Variants in TTLL5 observed in about 807,000 individuals in gnomAD.
The protein encoded by TTLL5 is tubulin tyrosine ligase like 5, also known as tubulin polyglutamylase TTLL5.
A neutral mutation model predicts 168.4 loss-of-function variants in TTLL5; 132 were observed. That is an observed-to-expected ratio of 0.78 (90% confidence interval 0.68 to 0.91). The LOEUF (loss-of-function observed/expected upper bound fraction) is 0.91, where lower values mean the gene tolerates loss of function less well. Ranked by LOEUF, TTLL5 falls within the 40% of genes least tolerant of loss-of-function variation. The probability of loss-of-function intolerance (pLI) is 0.00; values close to 1 mark genes in which losing one functional copy is unlikely to be tolerated. For synonymous variants in TTLL5, 546 were observed against 558.6 expected (o/e 0.98, Z 0.32); for missense variants, 1,545 against 1,581.5 (o/e 0.98, Z 0.39).
intron 7 of TTLL5, among the ~76,000 whole-genome samples, chr14:75,699,984 A>G (rs1296544091): frequency 1.3e-5 from 2 of 152,164 alleles, no homozygotes; most frequent in African/African-American, 2.4e-5. Context: ...CATTTACATC[A>G]TGTCCCACCC....
intron 29 of TTLL5, among the ~76,000 whole-genome samples, chr14:75,875,276 G>T (rs558250066): frequency 1.3e-5 from 2 of 149,858 alleles, no homozygotes; most frequent in South Asian, 4.3e-4. Context: ...GGGCGTAGTG[G>T]CTCACGCCTG....
At chr14:75,667,759 T>G (rs1163944696) in intron 2 of TTLL5, among the ~76,000 whole-genome samples, 1 of 142,890 alleles carries the variant, frequency 7.0e-6, no homozygotes, top group African/African-American at 2.6e-5. Flanking sequence ...ATGTTTTTTT[T>G]TTTTTTTTTT....
intron 5 of TTLL5, 106 bp downstream of exon 5, chr14:75,683,762 A>C: frequency 1.1e-6 from 1 of 894,762 alleles, no homozygotes; most frequent in Admixed American, 2.6e-5. Flanking sequence ...GATGAAAATG[A>C]AGAAGAAGAA....
chr14:75,672,393 C>T (rs995860807), intron 3 of TTLL5, among the ~76,000 whole-genome samples: 4 of 151,988 alleles, frequency 2.6e-5, no homozygotes, highest in South Asian at 2.1e-4. Flanking sequence ...TTATAGGCGT[C>T]CACCACCATG....
At chr14:75,671,986 A>G (rs1348027861) in intron 3 of TTLL5, among the ~76,000 whole-genome samples, 1 of 152,210 alleles carries the variant, frequency 6.6e-6, no homozygotes, top group Non-Finnish European at 1.5e-5. Context: ...GTCATTGCGT[A>G]TGATACTAGC....
At chr14:75,821,970 ACCC>A (rs948266957) in intron 28 of TTLL5, among the ~76,000 whole-genome samples, 6 of 151,840 alleles carry the variant, frequency 4.0e-5, no homozygotes, top group Admixed American at 3.9e-4. Flanking sequence ...ATTTTCCTCT[ACCC>A]CCAGGTGACC....
intron 21 of TTLL5, 150 bp downstream of exon 21, chr14:75,772,004 A>T (rs1206348649): frequency 1.1e-6 from 1 of 900,946 alleles, no homozygotes; most frequent in African/African-American, 1.7e-5. Flanking sequence ...TTATAAATCT[A>T]TACTTACAAG....
intron 31 of TTLL5, among the ~76,000 whole-genome samples, chr14:75,905,652 C>T (rs2033114370): frequency 1.3e-5 from 2 of 152,214 alleles, no homozygotes; most frequent in South Asian, 2.1e-4. Context: ...AAGCCAAAGT[C>T]GTTGGCCTTC....
At chr14:75,813,079 A>G (rs977987173) in intron 27 of TTLL5, among the ~76,000 whole-genome samples, 1 of 152,124 alleles carries the variant, frequency 6.6e-6, no homozygotes, top group African/African-American at 2.4e-5. Flanking sequence ...CATAATAATT[A>G]TTTGTTCTTG....
At chr14:75,730,243 C>G (rs1178250434) in intron 12 of TTLL5, among the ~76,000 whole-genome samples, 1 of 152,072 alleles carries the variant, frequency 6.6e-6, no homozygotes, top group Non-Finnish European at 1.5e-5. Context: ...TTATTTAGTG[C>G]TATATCACAG....
chr14:75,688,354 T>G (rs2140132984), intron 5 of TTLL5, among the ~76,000 whole-genome samples: 1 of 152,126 alleles, frequency 6.6e-6, no homozygotes, highest in Middle Eastern at 3.4e-3. Flanking sequence ...ACAGAATACA[T>G]GGAGATTCTT....
At chr14:75,765,917 A>AGTGACAT (rs1332290392) in intron 19 of TTLL5, 145 bp from the exon 20 acceptor site, 2 of 605,266 alleles carry the variant, frequency 3.3e-6, no homozygotes, top group East Asian at 5.6e-5. Flanking sequence ...GAGATTAGAG[A>AGTGACAT]GTGACATGTG....
rs1265598469 is a variant in TTLL5 at position 75,781,870 on chromosome 14, C to T, written c.2516-617C>T. 2.0e-5 allele frequency among the ~76,000 whole-genome samples: 3 copies of T among 148,552 alleles called. No individual in the cohort carries two copies. In the Admixed American group the frequency reaches 2.0e-4, roughly 10 times the overall value. On this transcript the variant is annotated intron_variant, in intron 24 of 31. Coordinates refer to ENST00000298832, the MANE Select transcript of TTLL5 (RefSeq NM_015072.5). ...ACTCAGGAGGCTGAGGCAGGAGAAT[C>T]GCTTGAACTGGGAGGCAGAGGTTGC...
intron 28 of TTLL5, among the ~76,000 whole-genome samples, chr14:75,829,936 G>A (rs1895469257): frequency 6.6e-6 from 1 of 152,188 alleles, no homozygotes; most frequent in Admixed American, 6.5e-5. Flanking sequence ...TAAAAGCCTA[G>A]AAGTTGGTGT....
At chr14:75,843,930 G>A (rs1042463045) in intron 28 of TTLL5, among the ~76,000 whole-genome samples, 3 of 57,472 alleles carry the variant, frequency 5.2e-5, no homozygotes, top group African/African-American at 1.7e-4. Context: ...GCCTCGTTCT[G>A]TCACCCAGGC....
In TTLL5 at chr14:75,953,901, C is replaced by T; in HGVS notation, c.3824-523C>T. 1.3e-5 allele frequency among the ~76,000 whole-genome samples: 2 copies of T among 152,012 alleles called. 1 individual carries two copies. Among genetic ancestry groups the T allele is most frequent in the African/African-American group, 4.8e-5 (2 of 41,384 alleles). On this transcript the variant is annotated intron_variant, in intron 31 of 31. Coordinates refer to ENST00000298832, the MANE Select transcript of TTLL5 (RefSeq NM_015072.5). ...GAAAGAGAACAACACAGAAAAGAAA[C>T]AGCAGTAGAATTGGGAGTATTTTAG...
At chr14:75,943,094 G>A (rs1173623283) in intron 31 of TTLL5, among the ~76,000 whole-genome samples, 2 of 152,148 alleles carry the variant, frequency 1.3e-5, no homozygotes, top group Non-Finnish European at 2.9e-5. Flanking sequence ...CAAAAAAAAG[G>A]CGGTGTCGGG....
intron 6 of TTLL5, among the ~76,000 whole-genome samples, chr14:75,697,131 C>G (rs1426592551): frequency 6.6e-6 from 1 of 152,144 alleles, no homozygotes; most frequent in Non-Finnish European, 1.5e-5. Context: ...CAGCCACACC[C>G]CTTTGCTTAC....
At chr14:75,863,197 G>A (rs1233978440) in intron 28 of TTLL5, among the ~76,000 whole-genome samples, 1 of 152,170 alleles carries the variant, frequency 6.6e-6, no homozygotes, top group East Asian at 1.9e-4. Flanking sequence ...AAAATATTTA[G>A]ATATTTAACT....
Sources: gnomAD v4.1 joint callset for allele counts (sites outside exome capture counted in the v4.1 genomes callset) on GRCh38, gnomAD v4.1.1 for gene constraint, MANE v1.5 for transcripts, NCBI Gene and HGNC (gene_info 2026-07-23, HGNC 2026-07-21) for gene names.